The following ARPC5 variants were observed in gnomAD, a reference collection of about 807,000 sequenced individuals.
The protein encoded by ARPC5 is actin-related protein 2/3 complex subunit 5.
A neutral mutation model predicts 15.4 loss-of-function variants in ARPC5; 5 were observed. The ratio of observed to expected loss-of-function variants is 0.32; its 90% CI spans 0.17 to 0.68. ARPC5 has a LOEUF of 0.68. Among genes scored for constraint, ARPC5 ranks in the 30% least tolerant of loss-of-function variants. ARPC5 has a pLI of 0.71. For missense variants in ARPC5, 138 were observed against 192.8 expected, an observed-to-expected ratio of 0.72 and a Z score of 1.68; for synonymous variants, 85 against 72.2, an observed-to-expected ratio of 1.18 and a Z score of -0.90.
rs1238401223 is a variant in ARPC5, at chr1:183,626,221, T to C, written c.*1311A>G. 3.3e-5 allele frequency: 5 copies of C among 152,246 alleles called. No individual in the cohort carries two copies. The highest frequency in any genetic ancestry group is 7.3e-5 in the Non-Finnish European group (5 of 68,044). The allele number at this position is 152,246 out of a possible 1,614,324, so 9.4% of individuals were successfully genotyped here. A position where few individuals can be genotyped will look rare whatever the true frequency, so the allele number is the denominator to read the frequency against. On this transcript the variant is annotated 3_prime_UTR_variant, in exon 4 of 4. Transcript: ENST00000359856. ...ATTATTCAACACTGACATTTTATTT[T>C]CTGAAGTTTTATCATTTTTACAAAA...
chr1:183,624,954 C>A lies in ARPC5; in HGVS notation c.*2578G>T, dbSNP rs543840219. The A allele has an allele frequency of 6.6e-6, 1 of 152,178 alleles. No individual in the cohort carries two copies. Among genetic ancestry groups the A allele is most frequent in the South Asian group, 2.1e-4 (1 of 4,830 alleles). 9.4% of individuals were successfully genotyped at this position (152,178 alleles called of 1,614,324 possible). On this transcript the variant is annotated 3_prime_UTR_variant, in exon 4 of 4. Coordinates refer to ENST00000359856, the MANE Select transcript of ARPC5 (RefSeq NM_005717.4). ...TTGTACCATCTACACATTGATTTCA[C>A]CCATGTTCATGTCCTTAAAATATCA...
chr1:183,635,385 G>A lies in ARPC5; in HGVS notation c.143+132C>T, dbSNP rs371674582. 7.4e-5 allele frequency: 83 copies of A among 1,117,412 alleles called. No individual in the cohort carries two copies. In the African/African-American group the frequency reaches 1.2e-3, roughly 16 times the overall value. The allele number at this position is 1,117,412 out of a possible 1,614,324, so 69.2% of individuals were successfully genotyped here. ...CCCTCTCAGAGCGGGCGATCCCAAA[G>A]AGACAGGTTAAGCCGCAGGTTGAGA... On this transcript the variant is annotated intron_variant, in intron 1 of 3. Transcript: ENST00000359856.
intron 3 of ARPC5, among the ~76,000 whole-genome samples, chr1:183,629,518 C>A (rs187813776): frequency 8.3e-4 from 127 of 152,240 alleles, no homozygotes; most frequent in African/African-American, 2.9e-3. Context: ...TGTTTTCACT[C>A]AGATACACTT....
intron 1 of ARPC5, chr1:183,633,471 T>G (rs750338145): frequency 1.1e-5 from 2 of 173,946 alleles, no homozygotes; most frequent in Non-Finnish European, 2.4e-5. Flanking sequence ...GTTAAAGAAA[T>G]CCTAAAATAT....
chr1:183,633,174 TA>T lies in ARPC5; in HGVS notation c.144-21del. On this transcript the variant is annotated intron_variant, in intron 1 of 3. Transcript: ENST00000359856. ...TTTCCTGTGATGGAAGTTAAGGGTG[TA>T]ACAGCAAAGGATGGCCCCCAGGAAA... 6.3e-7 allele frequency: 1 copy of T among 1,575,860 alleles called. No individual in the cohort carries two copies. Among genetic ancestry groups the T allele is most frequent in the South Asian group, 1.2e-5 (1 of 84,866 alleles).
rs999623275 is a variant in ARPC5, at chr1:183,630,543, T to C, written c.311A>G (p.Asp104Gly). 1.2e-6 allele frequency: 2 copies of C among 1,613,882 alleles called. No individual in the cohort carries two copies. The highest frequency in any genetic ancestry group is 1.7e-6 in the Non-Finnish European group (2 of 1,179,918). Reference protein sequence around the residue: ...AVQSLDKNGVDLLMKYIYKGF... With the variant: ...AVQSLDKNGVGLLMKYIYKGF... ...TTTATAAATATACTTCATTAGGAGA[T>C]CCACACCATTCTTGTCCAGAGATTG... The change falls in exon 3 of 4, where the codon GAT becomes GGT. Residue 104 changes from aspartate to glycine, a missense_variant. Around this residue, in one of 3 missense-constraint regions of ARPC5, gnomAD observed 121 missense variants for 153.7 expected, o/e 0.79. Transcript: ENST00000359856.
In ARPC5 at chr1:183,635,651, CT is replaced by C; in HGVS notation, c.8del (p.Lys3ArgfsTer49). 1 of 1,612,244 alleles carries C rather than the reference CT, an allele frequency of 6.2e-7. No homozygotes were observed. On this transcript the variant is annotated frameshift_variant, in exon 1 of 4. Transcript: ENST00000359856. LOFTEE classifies it high-confidence loss of function. ...GGAAGCGGGCCGACGACACTGTGTT[CT>C]TCGACATCCCAATCCCGACCAGCGG... The part of the protein sequence containing the change: MS[K>X]NTVSSARFRK...
chr1:183,632,855 G>A (rs1275947965), intron 2 of ARPC5: 2 of 364,728 alleles, frequency 5.5e-6, no homozygotes, highest in African/African-American at 2.1e-5. Context: ...ACACACAAAT[G>A]ATTTCACTAT....
intron 3 of ARPC5, 173 bp downstream of exon 3, chr1:183,630,288 T>C: frequency 2.2e-6 from 1 of 448,744 alleles, no homozygotes; most frequent in Admixed American, 4.2e-5. Flanking sequence ...GGAATCAGAA[T>C]CTCTTAAGAC....
Position 183,635,402 on chromosome 1 carries a change from A to C in ARPC5, c.143+115T>G, listed in dbSNP as rs1035925458. On this transcript the variant is annotated intron_variant, in intron 1 of 3. Transcript: ENST00000359856. ...ATCCCAAAGAGACAGGTTAAGCCGCAGGTTGAGAGGGCAGCTCCGCGCCGG... is the reference window on the plus strand; with the variant it reads ...ATCCCAAAGAGACAGGTTAAGCCGCCGGTTGAGAGGGCAGCTCCGCGCCGG... The C allele has an allele frequency of 6.5e-6, 8 of 1,225,526 alleles. No individual in the cohort carries two copies. The Admixed American group carries it at 1.5e-4, about 23-fold the overall frequency. The allele number at this position is 1,225,526 out of a possible 1,614,324, so 75.9% of individuals were successfully genotyped here. A position where few individuals can be genotyped will look rare whatever the true frequency, so the allele number is the denominator to read the frequency against.
Position 183,630,583 on chromosome 1 carries a change from T to G in ARPC5, c.271A>C (p.Ile91Leu). The change falls in exon 3 of 4, where the codon ATA becomes CTA. Residue 91 changes from isoleucine (I) to leucine (L), a missense_variant. Physicochemically the swap from Ile to Leu is conservative, Grantham distance 5. Coordinates refer to ENST00000359856, the MANE Select transcript of ARPC5 (RefSeq NM_005717.4). ...KVLISFKAND[I>L]EKAVQSLDKN... ...TCCAGAGATTGAACTGCCTTTTCTA[T>G]ATCATTAGCTTTAAAAGAGATGAGC... is the stretch of plus-strand genomic sequence containing the variant. 1 of 1,614,146 alleles carries G rather than the reference T, an allele frequency of 6.2e-7. No individual in the cohort carries two copies.
Position 183,622,344 on chromosome 1 carries a change from T to C in ARPC5, c.*5188A>G, listed in dbSNP as rs1648962186. 6.7e-6 allele frequency: 1 copy of C among 149,968 alleles called. No homozygotes were observed. The highest frequency in any genetic ancestry group is 6.6e-5 in the Admixed American group (1 of 15,234). The allele number at this position is 149,968 out of a possible 1,614,324, so 9.3% of individuals were successfully genotyped here. On this transcript the variant is annotated 3_prime_UTR_variant, in exon 4 of 4. Transcript: ENST00000359856. Reference sequence around the variant, plus strand: ...CTAAAATGAATAAAATACAGAACCATTGGCTAATGAATACACTGACCTTTA... The same window carrying C: ...CTAAAATGAATAAAATACAGAACCACTGGCTAATGAATACACTGACCTTTA...
chr1:183,622,757 C>CA lies in ARPC5; in HGVS notation c.*4774dup. The CA allele has an allele frequency of 6.6e-6, 1 of 152,474 alleles. No homozygotes were observed. Among genetic ancestry groups the CA allele is most frequent in the Middle Eastern group, 3.4e-3 (1 of 292 alleles). 9.4% of individuals were successfully genotyped at this position (152,474 alleles called of 1,614,324 possible). A position where few individuals can be genotyped will look rare whatever the true frequency, so the allele number is the denominator to read the frequency against. The stretch of plus-strand genomic sequence containing the variant: ...CACTATAGGGGCTGCACGTGGTACT[C>CA]ATGGTGGCTCTGATTTCCACCTAAG... On this transcript the variant is annotated 3_prime_UTR_variant, in exon 4 of 4. Coordinates refer to ENST00000359856, the MANE Select transcript of ARPC5 (RefSeq NM_005717.4).
At chr1:183,627,738 C>T (rs1329245590) in intron 3 of ARPC5, 144 bp from the exon 4 acceptor site, 1 of 692,788 alleles carries the variant, frequency 1.4e-6, no homozygotes, top group East Asian at 2.7e-5. Flanking sequence ...TCTTGAGCAC[C>T]AATTATGCAC....
chr1:183,630,799 A>G, intron 2 of ARPC5, 162 bp from the exon 3 acceptor site: 1 of 651,324 alleles, frequency 1.5e-6, no homozygotes, highest in East Asian at 2.8e-5. Context: ...AGAGGAAAGA[A>G]CAGTGCTATT....
chr1:183,635,123 C>G (rs11811536), intron 1 of ARPC5, among the ~76,000 whole-genome samples: 1 of 152,146 alleles, frequency 6.6e-6, no homozygotes, highest in African/African-American at 2.4e-5. Flanking sequence ...CCCAGGAAAT[C>G]AGAGTTCTAG....
In ARPC5 at chr1:183,635,744, C is replaced by A; in HGVS notation, c.-85G>T. 1 of 1,530,752 alleles carries A rather than the reference C, an allele frequency of 6.5e-7. No individual in the cohort carries two copies. The highest frequency in any genetic ancestry group is 8.8e-7 in the Non-Finnish European group (1 of 1,133,628). 94.8% of individuals were successfully genotyped at this position (1,530,752 alleles called of 1,614,324 possible). A position where few individuals can be genotyped will look rare whatever the true frequency, so the allele number is the denominator to read the frequency against. ...AGCCCAGCAACCCACTACCCGGCGC[C>A]TGATTCACTTCCCTCTTCCGCTCTG... On this transcript the variant is annotated 5_prime_UTR_variant, in exon 1 of 4. The change creates a new upstream start codon in the 5' untranslated region. Transcript: ENST00000359856.
At chr1:183,630,741 G>C (rs950977645) in intron 2 of ARPC5, 104 bp from the exon 3 acceptor site, 3 of 1,099,000 alleles carry the variant, frequency 2.7e-6, no homozygotes, top group African/African-American at 1.6e-5. Flanking sequence ...GTAAGGACCT[G>C]AAGGACGTGA....
Position 183,623,524 on chromosome 1 carries a change from G to GGGGTGA in ARPC5, c.*4002_*4007dup. On this transcript the variant is annotated 3_prime_UTR_variant, in exon 4 of 4. Transcript: ENST00000359856. The stretch of plus-strand genomic sequence containing the variant: ...TTTCACATATTGTACTAGTGACATT[G>GGGGTGA]GGGTGAGGGGGAGAGGGAGTGGGGC... 3 of 1,550,008 alleles carry GGGGTGA rather than the reference G, an allele frequency of 1.9e-6. No homozygotes were observed. In the Admixed American group the frequency reaches 5.9e-5, roughly 30 times the overall value.
Sources: allele counts gnomAD v4.1 joint callset (sites outside exome capture counted in the v4.1 genomes callset), GRCh38; gene constraint gnomAD v4.1.1; regional missense constraint gnomAD v4.1.1; transcripts MANE v1.5; gene names NCBI Gene and HGNC (gene_info 2026-07-23, HGNC 2026-07-21).